MTMR3: variants seen among roughly 807,000 people sequenced by gnomAD.
MTMR3 encodes the protein phosphatidylinositol-3,5-bisphosphate 3-phosphatase MTMR3.
In MTMR3, 32 loss-of-function variants were observed where a neutral mutation model predicts 132.4. The observed-to-expected ratio is 0.24, with a 90% CI of 0.18 to 0.32. The LOEUF (loss-of-function observed/expected upper bound fraction) is 0.32, where lower values mean the gene tolerates loss of function less well. Among genes scored for constraint, MTMR3 ranks in the 10% least tolerant of loss-of-function variants. The probability of loss-of-function intolerance (pLI) is 1.00; values close to 1 mark genes in which losing one functional copy is unlikely to be tolerated. For synonymous variants in MTMR3, 556 were observed against 550.3 expected (o/e 1.01, Z -0.14); for missense variants, 1,216 against 1,489.6 (o/e 0.82, Z 3.02).
chr22:29,957,522 G>A (rs1438931638), intron 2 of MTMR3, among the ~76,000 whole-genome samples: 3 of 151,790 alleles, frequency 2.0e-5, no homozygotes, highest in Non-Finnish European at 4.4e-5. Flanking sequence ...GGTGATTATA[G>A]CTCACTGCAG....
At chr22:29,928,106 A>G (rs1569008344) in intron 1 of MTMR3, among the ~76,000 whole-genome samples, 1 of 150,694 alleles carries the variant, frequency 6.6e-6, no homozygotes, top group Non-Finnish European at 1.5e-5. Flanking sequence ...ACGCCTGTCT[A>G]GCCATCATTT....
At chr22:30,008,729 T>G in intron 11 of MTMR3, 1 of 283,170 alleles carries the variant, frequency 3.5e-6, no homozygotes. Context: ...AAAGCCAGAG[T>G]GAGATCGAAG....
intron 1 of MTMR3, among the ~76,000 whole-genome samples, chr22:29,887,165 A>G (rs181215891): frequency 8.5e-5 from 13 of 152,318 alleles, no homozygotes; most frequent in African/African-American, 2.9e-4. Context: ...TCATATTTGT[A>G]TCAGATATTA....
chr22:29,988,327 A>G, intron 5 of MTMR3, 153 bp from the exon 6 acceptor site: 1 of 448,722 alleles, frequency 2.2e-6, no homozygotes, highest in Non-Finnish European at 4.0e-6. Flanking sequence ...TTTGTAGTAA[A>G]TCACTTGAGT....
rs1336615578 is a variant in MTMR3, at chr22:30,027,251, T to G, written c.*1450T>G. ...GGTGGATCATGGTGAGGACTAGGGGTAAGGTCAGGGAATGCTTAAGCTCTG... is the reference window on the plus strand; with the variant it reads ...GGTGGATCATGGTGAGGACTAGGGGGAAGGTCAGGGAATGCTTAAGCTCTG... On this transcript the variant is annotated 3_prime_UTR_variant, in exon 20 of 20. Coordinates refer to ENST00000401950, the MANE Select transcript of MTMR3 (RefSeq NM_021090.4). 6.5e-6 allele frequency: 1 copy of G among 152,742 alleles called. No individual in the cohort carries two copies. Among genetic ancestry groups the G allele is most frequent in the Non-Finnish European group, 1.5e-5 (1 of 68,086 alleles). The allele number at this position is 152,742 out of a possible 1,614,324, so 9.5% of individuals were successfully genotyped here.
chr22:29,932,594 T>A lies in MTMR3; in HGVS notation c.-137-24442T>A, dbSNP rs115233486. 4.5e-3 allele frequency among the ~76,000 whole-genome samples: 680 copies of A among 152,272 alleles called. 6 individuals are homozygous for A. Among genetic ancestry groups the A allele is most frequent in the African/African-American group, 0.015 (642 of 41,552 alleles). On this transcript the variant is annotated intron_variant, in intron 1 of 19. Transcript: ENST00000401950. ...CAGCATTCCTCATGGTCAGAGTACT[T>A]TACCTGGGACTAGAGTACAACATTT...
At chr22:30,019,312 G>A (rs573531215) in intron 16 of MTMR3, 168 bp from the exon 17 acceptor site, 57 of 646,652 alleles carry the variant, frequency 8.8e-5, no homozygotes, top group African/African-American at 1.6e-4. Flanking sequence ...GACTTGTTCC[G>A]GAGCTTTGCT....
In MTMR3 at chr22:29,943,537, TAA is replaced by T. The variant is rs539885468; in HGVS notation, c.-137-13498_-137-13497del. On this transcript the variant is annotated intron_variant, in intron 1 of 19. Coordinates refer to ENST00000401950, the MANE Select transcript of MTMR3 (RefSeq NM_021090.4). Reference sequence around the variant, plus strand: ...CTACGTTTGCCACTCTTTTAGTATATAAGTTTATAAGTTCATAGAAATTTTAG... The same window carrying T: ...CTACGTTTGCCACTCTTTTAGTATATGTTTATAAGTTCATAGAAATTTTAG... Among the ~76,000 whole-genome samples, 473 of 152,238 alleles carry T rather than the reference TAA, an allele frequency of 3.1e-3. 1 individual carries two copies. Among genetic ancestry groups the T allele is most frequent in the Non-Finnish European group, 5.5e-3 (377 of 68,008 alleles).
intron 1 of MTMR3, among the ~76,000 whole-genome samples, chr22:29,886,525 G>A (rs1226037341): frequency 6.6e-6 from 1 of 152,132 alleles, no homozygotes; most frequent in Admixed American, 6.6e-5. Flanking sequence ...CTGGGCGTCA[G>A]TTTTCTCATA....
intron 5 of MTMR3, chr22:29,986,023 T>G (rs1198411769): frequency 6.6e-6 from 1 of 152,244 alleles, no homozygotes; most frequent in Non-Finnish European, 1.5e-5. Context: ...CTGGTTTTCA[T>G]GTCTTCTGTC....
At chr22:29,894,242 G>T (rs1285302806) in intron 1 of MTMR3, among the ~76,000 whole-genome samples, 1 of 152,194 alleles carries the variant, frequency 6.6e-6, no homozygotes, top group East Asian at 1.9e-4. Flanking sequence ...ACTGGCTCCA[G>T]TTCCTAAGAG....
chr22:29,886,410 T>A (rs1431307722), intron 1 of MTMR3, among the ~76,000 whole-genome samples: 2 of 152,342 alleles, frequency 1.3e-5, no homozygotes, highest in Non-Finnish European at 1.5e-5. Flanking sequence ...AAGAGCACAG[T>A]AAGTGCAAAG....
intron 5 of MTMR3, chr22:29,986,543 T>C (rs1196783380): frequency 4.1e-6 from 4 of 981,354 alleles, no homozygotes; most frequent in Non-Finnish European, 4.8e-6. Context: ...CTCAGAAGAA[T>C]TCTTAGTTGC....
At position 30,020,100 on chromosome 22, in the gene MTMR3, T is replaced by C; in HGVS notation, c.2441T>C (p.Val814Ala). Residue 814 changes from valine (V) to alanine (A), a missense_variant, in exon 17 of 20, where the codon GTA becomes GCA. This residue lies in a region of MTMR3 where 852 missense variants were observed against 852.0 expected (regional missense o/e 1.00). Coordinates refer to ENST00000401950, the MANE Select transcript of MTMR3 (RefSeq NM_021090.4). ...GREEAVLPIP[V>A]DAKVGYGTSQ... is the part of the protein sequence containing the mutation. ...GAGGAAGCAGTTCTTCCAATCCCAG[T>C]AGATGCAAAAGTTGGCTATGGTACC... 6.2e-7 allele frequency: 1 copy of C among 1,614,166 alleles called. No homozygotes were observed. The highest frequency in any genetic ancestry group is 1.3e-5 in the African/African-American group (1 of 75,038).
At chr22:29,986,958 C>G (rs1232881625) in intron 5 of MTMR3, 2 of 152,160 alleles carry the variant, frequency 1.3e-5, no homozygotes, top group African/African-American at 4.8e-5. Flanking sequence ...TCAGGCTGGT[C>G]TCAAACTCCT....
intron 12 of MTMR3, 94 bp downstream of exon 12, chr22:30,009,223 T>A (rs370559778): frequency 8.1e-6 from 7 of 869,338 alleles, no homozygotes; most frequent in African/African-American, 6.8e-5. Context: ...GAAAAAAAAA[T>A]TAATTTGGAG....
At chr22:29,946,436 G>A (rs751385452) in intron 1 of MTMR3, among the ~76,000 whole-genome samples, 1 of 152,150 alleles carries the variant, frequency 6.6e-6, no homozygotes, top group Non-Finnish European at 1.5e-5. Flanking sequence ...CTGAGGGCTC[G>A]AGAGAAAGGC....
intron 2 of MTMR3, among the ~76,000 whole-genome samples, chr22:29,957,851 AAGAG>A (rs1273682089): frequency 6.6e-6 from 1 of 152,196 alleles, no homozygotes; most frequent in African/African-American, 2.4e-5. Flanking sequence ...GAGAGCAAGA[AAGAG>A]AGACACTACA....
intron 1 of MTMR3, among the ~76,000 whole-genome samples, chr22:29,950,369 T>TA (rs966501815): frequency 1.1e-4 from 16 of 151,822 alleles, no homozygotes; most frequent in South Asian, 2.1e-4. Context: ...TTTTATTTAT[T>TA]TTTTTATTTT....
Sources: allele counts gnomAD v4.1 joint callset (sites outside exome capture counted in the v4.1 genomes callset), GRCh38; gene constraint gnomAD v4.1.1; regional missense constraint gnomAD v4.1.1; transcripts MANE v1.5; gene names NCBI Gene and HGNC (gene_info 2026-07-23, HGNC 2026-07-21).